The following AUTS2 variants were observed in gnomAD, a reference collection of about 807,000 sequenced individuals.
AUTS2 encodes the protein autism susceptibility gene 2 protein.
Under a neutral mutation model 112.4 loss-of-function variants are expected in AUTS2, and 17 were observed. That is an observed-to-expected ratio of 0.15 (90% CI 0.10 to 0.23). AUTS2 has a LOEUF of 0.23. AUTS2 is among the 10% of genes least tolerant of loss of function. AUTS2 has a pLI of 1.00. For missense variants in AUTS2, 1,510 were observed against 1,701.6 expected (o/e 0.89, Z 1.98); for synonymous variants, 751 against 702.7 (o/e 1.07, Z -1.09).
chr7:69,647,923 G>T (rs780792752), intron 1 of AUTS2, among the ~76,000 whole-genome samples: 1 of 152,036 alleles, frequency 6.6e-6, no homozygotes, highest in South Asian at 2.1e-4. Flanking sequence ...TGCCTTTGTT[G>T]TCTCTTAGTG....
chr7:69,920,126 T>A (rs772132389), intron 2 of AUTS2, among the ~76,000 whole-genome samples: 1 of 152,096 alleles, frequency 6.6e-6, no homozygotes, highest in Non-Finnish European at 1.5e-5. Flanking sequence ...TAACTTTAGA[T>A]CTTTTACATT....
chr7:70,408,622 G>A (rs747170311), intron 4 of AUTS2, among the ~76,000 whole-genome samples: 7 of 152,258 alleles, frequency 4.6e-5, no homozygotes, highest in Admixed American at 6.5e-5. Flanking sequence ...CACTTTTGCC[G>A]ACAAAGTACA....
At chr7:70,745,324 C>T (rs1007613116) in intron 6 of AUTS2, among the ~76,000 whole-genome samples, 2 of 152,076 alleles carry the variant, frequency 1.3e-5, no homozygotes, top group South Asian at 2.1e-4. Flanking sequence ...TAGCAGTTCT[C>T]GTTGGCTAAT....
intron 11 of AUTS2, among the ~76,000 whole-genome samples, chr7:70,772,598 CATAACTGCAT>C (rs1790423952): frequency 6.6e-6 from 1 of 152,162 alleles, no homozygotes; most frequent in Admixed American, 6.5e-5. Context: ...AGGATAAGCA[CATAACTGCAT>C]TTCCAAAGAC....
chr7:70,234,648 C>T (rs1812226363), intron 4 of AUTS2, among the ~76,000 whole-genome samples: 1 of 152,118 alleles, frequency 6.6e-6, no homozygotes, highest in Admixed American at 6.5e-5. Flanking sequence ...GAGCTTGTAA[C>T]CTGGACCTCT....
chr7:70,420,850 T>G (rs1585125200), intron 4 of AUTS2, among the ~76,000 whole-genome samples: 1 of 152,212 alleles, frequency 6.6e-6, no homozygotes, highest in East Asian at 1.9e-4. Context: ...TGGTGATGGC[T>G]TCACAGGTGT....
chr7:70,652,153 C>T (rs1290153474), intron 5 of AUTS2, among the ~76,000 whole-genome samples: 1 of 152,114 alleles, frequency 6.6e-6, no homozygotes, highest in Non-Finnish European at 1.5e-5. Context: ...TCATGTTTTA[C>T]AAAGTAGGAA....
chr7:69,639,701 T>G (rs1332798844), intron 1 of AUTS2, among the ~76,000 whole-genome samples: 2 of 152,202 alleles, frequency 1.3e-5, no homozygotes, highest in Admixed American at 1.3e-4. Context: ...GATGCCCAGG[T>G]CATTCTGTGC....
intron 3 of AUTS2, among the ~76,000 whole-genome samples, chr7:70,124,207 G>A (rs1805840030): frequency 6.6e-6 from 1 of 151,940 alleles, no homozygotes; most frequent in African/African-American, 2.4e-5. Context: ...GAGTTGTTTG[G>A]TTTTGTCTTG....
intron 5 of AUTS2, among the ~76,000 whole-genome samples, chr7:70,483,239 A>G (rs34564329): frequency 0.41 from 62,253 of 151,530 alleles, 13,033 homozygotes; most frequent in African/African-American, 0.46. Flanking sequence ...AAGCAACCCC[A>G]CCTTGAGAGC....
chr7:69,693,786 G>T (rs1797443921), intron 1 of AUTS2, among the ~76,000 whole-genome samples: 1 of 152,212 alleles, frequency 6.6e-6, no homozygotes, highest in Admixed American at 6.5e-5. Flanking sequence ...CACCAGATTT[G>T]ATTTCCATGA....
In AUTS2 at chr7:70,589,185, T is replaced by G. The variant is rs552328384; in HGVS notation, c.691-109384T>G. Among the ~76,000 whole-genome samples the G allele has an allele frequency of 1.3e-4, 20 of 152,314 alleles. No homozygotes were observed. The South Asian group carries it at 3.9e-3, about 30-fold the overall frequency. ...GAGCAGTGGCCTTCCAAGCATGCACTGCGAGACATGAGTGGGGCAATCCGC... is the reference window on the plus strand; with the variant it reads ...GAGCAGTGGCCTTCCAAGCATGCACGGCGAGACATGAGTGGGGCAATCCGC... On this transcript the variant is annotated intron_variant, in intron 5 of 18. Coordinates refer to ENST00000342771, the MANE Select transcript of AUTS2 (RefSeq NM_015570.4).
At chr7:70,414,126 C>T (rs1264976963) in intron 4 of AUTS2, among the ~76,000 whole-genome samples, 1 of 152,144 alleles carries the variant, frequency 6.6e-6, no homozygotes, top group Admixed American at 6.5e-5. Flanking sequence ...TTCTACCTAC[C>T]TTGTAGGGTT....
At chr7:69,996,167 G>A (rs2129552099) in intron 2 of AUTS2, among the ~76,000 whole-genome samples, 1 of 152,256 alleles carries the variant, frequency 6.6e-6, no homozygotes, top group Admixed American at 6.5e-5. Flanking sequence ...GTTGTTAGAG[G>A]TACTGTGTCA....
intron 1 of AUTS2, among the ~76,000 whole-genome samples, chr7:69,838,639 C>T (rs763414583): frequency 2.0e-5 from 3 of 152,104 alleles, no homozygotes; most frequent in Non-Finnish European, 4.4e-5. Flanking sequence ...CTTTTGTTGG[C>T]TGAACTATAT....
At chr7:70,008,112 G>A (rs1799629060) in intron 2 of AUTS2, among the ~76,000 whole-genome samples, 1 of 152,002 alleles carries the variant, frequency 6.6e-6, no homozygotes, top group Admixed American at 6.6e-5. Flanking sequence ...TTAACTCTAT[G>A]TTGTGTTTGT....
rs1328131220 is a variant in AUTS2, at chr7:70,435,761, G to A, written c.670G>A (p.Asp224Asn). The stretch of plus-strand genomic sequence containing the variant: ...TTGTCTTCATTTTCAGTGTGACAGT[G>A]ACAGTGACCAGGAAGAGAAGGTAAG... ...SLGTGYFCDS[D>N]SDQEEKASDA... Residue 224 changes from aspartate (D) to asparagine (N), a missense_variant, in exon 5 of 19, where the codon GAC becomes AAC. Asp to Asn is a conservative substitution (Grantham distance 23). Coordinates refer to ENST00000342771, the MANE Select transcript of AUTS2 (RefSeq NM_015570.4). 1.2e-6 allele frequency: 2 copies of A among 1,614,060 alleles called. No individual in the cohort carries two copies. Among genetic ancestry groups the A allele is most frequent in the Non-Finnish European group, 1.7e-6 (2 of 1,179,988 alleles).
At chr7:70,536,896 G>A (rs1330410575) in intron 5 of AUTS2, among the ~76,000 whole-genome samples, 1 of 152,046 alleles carries the variant, frequency 6.6e-6, no homozygotes, top group Non-Finnish European at 1.5e-5. Flanking sequence ...GTGAAACTCT[G>A]TCTCAAAGAA....
At chr7:69,807,271 A>G (rs924353027) in intron 1 of AUTS2, among the ~76,000 whole-genome samples, 4 of 152,206 alleles carry the variant, frequency 2.6e-5, no homozygotes, top group African/African-American at 9.7e-5. Context: ...ACCAAGATCC[A>G]GATTTGTTGA....
Sources: gnomAD v4.1 joint callset for allele counts (sites outside exome capture counted in the v4.1 genomes callset) on GRCh38, gnomAD v4.1.1 for gene constraint, MANE v1.5 for transcripts, NCBI Gene and HGNC (gene_info 2026-07-23, HGNC 2026-07-21) for gene names.